PRELP: variants seen among roughly 807,000 people sequenced by gnomAD.
The protein encoded by PRELP is prolargin.
Under a neutral mutation model 22.8 loss-of-function variants are expected in PRELP, and 16 were observed. That is an observed-to-expected ratio of 0.70 (90% CI 0.47 to 1.06). The LOEUF is 1.06. PRELP is among the 50% of genes least tolerant of loss of function. PRELP has a pLI of 0.00. For synonymous variants in PRELP, 233 were observed against 211.4 expected (o/e 1.10, Z -0.89); for missense variants, 434 against 485.2 (o/e 0.89, Z 0.99).
In PRELP at chr1:203,482,799, G is replaced by A. The variant is rs550625778; in HGVS notation, c.-16-370G>A. Reference sequence around the variant, plus strand: ...TTTTTAGTAGAGACAGGGTTTCACCGTGTTAGCCAGGATGGTCTCGATCTC... The same window carrying A: ...TTTTTAGTAGAGACAGGGTTTCACCATGTTAGCCAGGATGGTCTCGATCTC... On this transcript the variant is annotated intron_variant, in intron 1 of 2. Coordinates refer to ENST00000343110, the MANE Select transcript of PRELP (RefSeq NM_002725.4). Among the ~76,000 whole-genome samples, 55 of 151,526 alleles carry A rather than the reference G, an allele frequency of 3.6e-4. 2 individuals carry two copies. Among genetic ancestry groups the A allele is most frequent in the Middle Eastern group, 6.8e-3 (2 of 292 alleles).
chr1:203,488,442 C>A lies in PRELP; in HGVS notation c.*1561C>A, dbSNP rs892492703. ...GGCTGAGGCGGGAGAATCGCTTGAG[C>A]CGGGGAGGCGGAGGTTGCAGTGAGG... On this transcript the variant is annotated 3_prime_UTR_variant, in exon 3 of 3. Transcript: ENST00000343110. The A allele has an allele frequency of 6.6e-6, 1 of 152,320 alleles. No individual in the cohort carries two copies. Among genetic ancestry groups the A allele is most frequent in the Non-Finnish European group, 1.5e-5 (1 of 68,062 alleles). 9.4% of individuals were successfully genotyped at this position (152,320 alleles called of 1,614,324 possible). A position where few individuals can be genotyped will look rare whatever the true frequency, so the allele number is the denominator to read the frequency against.
chr1:203,483,113 G>T lies in PRELP; in HGVS notation c.-16-56G>T. The stretch of plus-strand genomic sequence containing the variant: ...TGCCCAACTCTGGCTTCAAAAACAT[G>T]ACAACTAGTTACTGAGGGCCCAAGG... On this transcript the variant is annotated intron_variant, in intron 1 of 2. Coordinates refer to ENST00000343110, the MANE Select transcript of PRELP (RefSeq NM_002725.4). The surrounding 1 kb of genome is among the most constrained non-coding windows in gnomAD (Gnocchi z 4.4). 1 of 1,395,742 alleles carries T rather than the reference G, an allele frequency of 7.2e-7. No individual in the cohort carries two copies. The highest frequency in any genetic ancestry group is 1.4e-5 in the South Asian group (1 of 70,516). The allele number at this position is 1,395,742 out of a possible 1,614,324, so 86.5% of individuals were successfully genotyped here. A position where few individuals can be genotyped will look rare whatever the true frequency, so the allele number is the denominator to read the frequency against.
At position 203,489,896 on chromosome 1, in the gene PRELP, G is replaced by C. The variant is rs536438779; in HGVS notation, c.*3015G>C. On this transcript the variant is annotated 3_prime_UTR_variant, in exon 3 of 3. Coordinates refer to ENST00000343110, the MANE Select transcript of PRELP (RefSeq NM_002725.4). ...TGCTTGAACCCTGGAGGCAGAAGTT[G>C]CAGTGAGCCGAGATCGCACCACTGC... is the stretch of plus-strand genomic sequence containing the variant. 6.6e-6 allele frequency: 1 copy of C among 152,258 alleles called. No individual in the cohort carries two copies. The highest frequency in any genetic ancestry group is 1.9e-4 in the East Asian group (1 of 5,174). 9.4% of individuals were successfully genotyped at this position (152,258 alleles called of 1,614,324 possible). A position where few individuals can be genotyped will look rare whatever the true frequency, so the allele number is the denominator to read the frequency against.
In PRELP at chr1:203,486,692, T is replaced by A; in HGVS notation, c.974-14T>A. On this transcript the variant is annotated splice_polypyrimidine_tract_variant and intron_variant, in intron 2 of 2. Transcript: ENST00000343110. ...CTCCACTCCCTTCTGATTTCTCGTC[T>A]TCTTTTTCCGTAGAAATCAACGGAA... 2 of 1,604,106 alleles carry A rather than the reference T, an allele frequency of 1.2e-6. No homozygotes were observed. The highest frequency in any genetic ancestry group is 1.7e-6 in the Non-Finnish European group (2 of 1,171,474).
Position 203,489,349 on chromosome 1 carries a change from C to T in PRELP, c.*2468C>T, listed in dbSNP as rs1403715648. On this transcript the variant is annotated 3_prime_UTR_variant, in exon 3 of 3. Transcript: ENST00000343110. ...CTGCAGCTGTAAGCCAGAGGGGATT[C>T]AAGGTAAATAGGCTTTACAGGCTCC... 1 of 152,228 alleles carries T rather than the reference C, an allele frequency of 6.6e-6. No individual in the cohort carries two copies. The highest frequency in any genetic ancestry group is 1.5e-5 in the Non-Finnish European group (1 of 68,034). 9.4% of individuals were successfully genotyped at this position (152,228 alleles called of 1,614,324 possible). A position where few individuals can be genotyped will look rare whatever the true frequency, so the allele number is the denominator to read the frequency against.
At chr1:203,476,147 A>G (rs1016447933) in intron 1 of PRELP, among the ~76,000 whole-genome samples, 19 of 152,080 alleles carry the variant, frequency 1.2e-4, no homozygotes, top group Admixed American at 6.5e-5. Flanking sequence ...CTGTACCCCT[A>G]TATTTGCTTA....
rs780528706 is a variant in PRELP, at chr1:203,483,314, C to G, written c.130C>G (p.Pro44Ala). ...ACCCAGGCCCAGGCCCAGGCCCACACCCAGCTTTCCTCAGCCTGATGAACC... is the reference window on the plus strand; with the variant it reads ...ACCCAGGCCCAGGCCCAGGCCCACAGCCAGCTTTCCTCAGCCTGATGAACC... ...RRPRPRPRPT[P>A]SFPQPDEPAE... Residue 44 changes from proline (P) to alanine (A), a missense_variant, in exon 2 of 3, where the codon CCC becomes GCC. Coordinates refer to ENST00000343110, the MANE Select transcript of PRELP (RefSeq NM_002725.4). The surrounding 1 kb of genome is among the most constrained non-coding windows in gnomAD (Gnocchi z 4.4). 2.5e-5 allele frequency: 40 copies of G among 1,613,976 alleles called. No homozygotes were observed. The highest frequency in any genetic ancestry group is 3.2e-5 in the Non-Finnish European group (38 of 1,180,016).
At position 203,487,293 on chromosome 1, in the gene PRELP, C is replaced by T. The variant is rs541455596; in HGVS notation, c.*412C>T. ...GGTTCAGAAAGTCCCCCTGGGGACTCCTCCATCTTCGGCAGCTCTGGCTCA... is the reference window on the plus strand; with the variant it reads ...GGTTCAGAAAGTCCCCCTGGGGACTTCTCCATCTTCGGCAGCTCTGGCTCA... On this transcript the variant is annotated 3_prime_UTR_variant, in exon 3 of 3. Transcript: ENST00000343110. 2 of 156,270 alleles carry T rather than the reference C, an allele frequency of 1.3e-5. No individual in the cohort carries two copies. The highest frequency in any genetic ancestry group is 2.8e-5 in the Non-Finnish European group (2 of 70,512). The allele number at this position is 156,270 out of a possible 1,614,324, so 9.7% of individuals were successfully genotyped here. A position where few individuals can be genotyped will look rare whatever the true frequency, so the allele number is the denominator to read the frequency against.
chr1:203,487,747 G>A lies in PRELP; in HGVS notation c.*866G>A, dbSNP rs1282287323. ...GAGGGTTCACAGTGTTTTTGTGGGG[G>A]CGGGGGAAGGAAGAGGCAGCCCCGC... On this transcript the variant is annotated 3_prime_UTR_variant, in exon 3 of 3. Coordinates refer to ENST00000343110, the MANE Select transcript of PRELP (RefSeq NM_002725.4). 1 of 126,750 alleles carries A rather than the reference G, an allele frequency of 7.9e-6. No individual in the cohort carries two copies. The highest frequency in any genetic ancestry group is 1.6e-5 in the Non-Finnish European group (1 of 61,482). The allele number at this position is 126,750 out of a possible 1,614,324, so 7.9% of individuals were successfully genotyped here.
rs1240173353 is a variant in PRELP at position 203,491,225 on chromosome 1, G to A, written c.*4344G>A. On this transcript the variant is annotated 3_prime_UTR_variant, in exon 3 of 3. Transcript: ENST00000343110. This position sits in a 1 kb window ranked among gnomAD's most constrained non-coding sequence, Gnocchi z 4.4. ...TGGCCACCAGAGAACAACCCCCTTT[G>A]ACTGTAATTTTCCATTACCTACCCA... The A allele has an allele frequency of 1.3e-5, 2 of 150,788 alleles. No individual in the cohort carries two copies. The highest frequency in any genetic ancestry group is 1.9e-4 in the East Asian group (1 of 5,158). The allele number at this position is 150,788 out of a possible 1,614,324, so 9.3% of individuals were successfully genotyped here.
chr1:203,476,753 T>C (rs1405534994), intron 1 of PRELP, among the ~76,000 whole-genome samples: 1 of 152,170 alleles, frequency 6.6e-6, no homozygotes, highest in Admixed American at 6.5e-5. Flanking sequence ...TCCAAACCAC[T>C]TGGCTTTTGG....
At chr1:203,485,713 G>A (rs974111519) in intron 2 of PRELP, among the ~76,000 whole-genome samples, 6 of 151,978 alleles carry the variant, frequency 3.9e-5, no homozygotes, top group African/African-American at 1.5e-4. Flanking sequence ...GGAAAAGGAA[G>A]AGGAAGACAA....
rs144334360 is a variant in PRELP at position 203,476,599 on chromosome 1, C to T, written c.-17+661C>T. Among the ~76,000 whole-genome samples the T allele has an allele frequency of 3.9e-5, 6 of 152,224 alleles. No homozygotes were observed. In the East Asian group the frequency reaches 9.6e-4, roughly 24 times the overall value. ...GAAAATCTTGCATCCCAAGTCCAGGCCGAATAGGGAGGAGATAAGCAAGAG... is the reference window on the plus strand; with the variant it reads ...GAAAATCTTGCATCCCAAGTCCAGGTCGAATAGGGAGGAGATAAGCAAGAG... On this transcript the variant is annotated intron_variant, in intron 1 of 2. Transcript: ENST00000343110.
Position 203,483,574 on chromosome 1 carries a change from G to A in PRELP, c.390G>A (p.Trp130Ter), listed in dbSNP as rs776604285. The A allele has an allele frequency of 6.2e-7, 1 of 1,614,202 alleles. No individual in the cohort carries two copies. Among genetic ancestry groups the A allele is most frequent in the Admixed American group, 1.7e-5 (1 of 60,028 alleles). The change falls in exon 2 of 3, where the codon TGG (tryptophan) becomes TGA (stop). Residue 130 changes from tryptophan to a stop codon, truncating the protein, a stop_gained. Coordinates refer to ENST00000343110, the MANE Select transcript of PRELP (RefSeq NM_002725.4). LOFTEE classifies it high-confidence loss of function. The surrounding 1 kb of genome is among the most constrained non-coding windows in gnomAD (Gnocchi z 4.4). ...TCCAGAATGCCACAGGCCTGCGATG[G>A]ATTAACCTGGACAACAACCGAATCC... ...ESFQNATGLRWINLDNNRIRK... is the reference protein window; with the variant it reads ...ESFQNATGLR
chr1:203,483,398 G>T lies in PRELP; in HGVS notation c.214G>T (p.Asp72Tyr), dbSNP rs1661039965. Residue 72 changes from aspartate to tyrosine, a missense_variant, in exon 2 of 3, where the codon GAC becomes TAC. By Grantham distance (160) the Asp-to-Tyr change is radical. Transcript: ENST00000343110. The surrounding 1 kb of genome is among the most constrained non-coding windows in gnomAD (Gnocchi z 4.4). ...TCCAGGCCCTCCATCTATCTTCCCT[G>T]ACTGTCCCCGCGAATGCTACTGCCC... is the stretch of plus-strand genomic sequence containing the variant. ...LPPGPPSIFP[D>Y]CPRECYCPPD... is the part of the protein sequence containing the mutation. 1.2e-6 allele frequency: 2 copies of T among 1,614,050 alleles called. No individual in the cohort carries two copies. Among genetic ancestry groups the T allele is most frequent in the Non-Finnish European group, 1.7e-6 (2 of 1,179,976 alleles).
At chr1:203,484,201 G>C (rs762497759) in intron 2 of PRELP, 44 bp downstream of exon 2, 135 of 1,585,050 alleles carry the variant, frequency 8.5e-5, no homozygotes, top group Non-Finnish European at 1.2e-4. Flanking sequence ...AAGGAGGTTG[G>C]CTTGTGTAGC....
At chr1:203,476,526 A>G (rs986500490) in intron 1 of PRELP, among the ~76,000 whole-genome samples, 1 of 152,190 alleles carries the variant, frequency 6.6e-6, no homozygotes, top group African/African-American at 2.4e-5. Context: ...CCCTAGCTGT[A>G]AGAGCAAAGA....
In PRELP at chr1:203,489,466, C is replaced by T. The variant is rs559888522; in HGVS notation, c.*2585C>T. The T allele has an allele frequency of 6.6e-6, 1 of 152,336 alleles. No homozygotes were observed. The highest frequency in any genetic ancestry group is 2.1e-4 in the South Asian group (1 of 4,822). The allele number at this position is 152,336 out of a possible 1,614,324, so 9.4% of individuals were successfully genotyped here. A position where few individuals can be genotyped will look rare whatever the true frequency, so the allele number is the denominator to read the frequency against. On this transcript the variant is annotated 3_prime_UTR_variant, in exon 3 of 3. Coordinates refer to ENST00000343110, the MANE Select transcript of PRELP (RefSeq NM_002725.4). ...CACAAGTTCATTCCCTCCATGCTGTCGTCATCGACATATACAGGTGTGTAC... is the reference window on the plus strand; with the variant it reads ...CACAAGTTCATTCCCTCCATGCTGTTGTCATCGACATATACAGGTGTGTAC...
rs780688119 is a variant in PRELP at position 203,483,252 on chromosome 1, C to G, written c.68C>G (p.Thr23Arg). ...ILASVAQGQP[T>R]RRPRPGTGPG... ...GCCTCAGTGGCCCAAGGCCAGCCAA[C>G]AAGACGACCAAGACCCGGGACTGGG... The change falls in exon 2 of 3, where the codon ACA (threonine) becomes AGA (arginine). Residue 23 changes from threonine to arginine, a missense_variant. Thr to Arg is a moderately conservative substitution (Grantham distance 71). Transcript: ENST00000343110. This position sits in a 1 kb window ranked among gnomAD's most constrained non-coding sequence, Gnocchi z 4.4. 6.3e-6 allele frequency: 10 copies of G among 1,597,250 alleles called. No individual in the cohort carries two copies. Among genetic ancestry groups the G allele is most frequent in the Non-Finnish European group, 7.7e-6 (9 of 1,174,058 alleles).
Sources: allele counts gnomAD v4.1 joint callset (sites outside exome capture counted in the v4.1 genomes callset), GRCh38; gene constraint gnomAD v4.1.1; non-coding constraint Gnocchi (gnomAD v3.1); transcripts MANE v1.5; gene names NCBI Gene and HGNC (gene_info 2026-07-23, HGNC 2026-07-21).